The following HIP1 variants were observed in gnomAD, a reference collection of about 807,000 sequenced individuals.
HIP1 encodes the protein huntingtin interacting protein 1.
In HIP1, 65 loss-of-function variants were observed where a neutral mutation model predicts 147.6. The observed-to-expected ratio is 0.44, with a 90% confidence interval of 0.36 to 0.54. The LOEUF (loss-of-function observed/expected upper bound fraction) is 0.54. Among genes scored for constraint, HIP1 ranks in the 20% least tolerant of loss-of-function variants. HIP1 has a pLI of 0.00. For missense variants in HIP1, 1,061 were observed against 1,299.6 expected, an observed-to-expected ratio of 0.82 and a Z score of 2.82; for synonymous variants, 479 against 504.0, an observed-to-expected ratio of 0.95 and a Z score of 0.67.
chr7:75,643,231 C>G (rs1361906181), intron 1 of HIP1, among the ~76,000 whole-genome samples: 2 of 152,180 alleles, frequency 1.3e-5, no homozygotes, highest in African/African-American at 2.4e-5. Context: ...TATGAAAGGG[C>G]CTTAAGTAAC....
rs782246601 is a variant in HIP1, at chr7:75,582,163, G to A, written c.466-12C>T. On this transcript the variant is annotated splice_polypyrimidine_tract_variant and intron_variant, in intron 5 of 30. Transcript: ENST00000336926. ...GGGAACCTGGGATTCTGGAAGGGAG[G>A]CAGAGGAAGGGAGTCAGGGCAGAAG... The A allele has an allele frequency of 2.5e-6, 4 of 1,609,282 alleles. No individual in the cohort carries two copies. The highest frequency in any genetic ancestry group is 4.5e-5 in the East Asian group (2 of 44,836).
chr7:75,599,737 C>T (rs1266179963), intron 1 of HIP1, among the ~76,000 whole-genome samples: 2 of 152,136 alleles, frequency 1.3e-5, no homozygotes, highest in Non-Finnish European at 2.9e-5. Context: ...TTTTCCCACA[C>T]TCTTGGGCAT....
At chr7:75,695,574 T>TTTTG (rs138855800) in intron 1 of HIP1, among the ~76,000 whole-genome samples, 334 of 148,696 alleles carry the variant, frequency 2.2e-3, no homozygotes, top group African/African-American at 7.3e-3. Context: ...ACCAGTTTTT[T>TTTTG]TTGTTGTTGT....
intron 1 of HIP1, among the ~76,000 whole-genome samples, chr7:75,635,618 A>C (rs1441320115): frequency 6.6e-6 from 1 of 151,252 alleles, no homozygotes; most frequent in Non-Finnish European, 1.5e-5. Flanking sequence ...TAGTGTGTGG[A>C]AGATTTACTA....
rs1043291492 is a variant in HIP1, at chr7:75,668,509, G to C, written c.121-69262C>G. Among the ~76,000 whole-genome samples, 4 of 152,114 alleles carry C rather than the reference G, an allele frequency of 2.6e-5. No individual in the cohort carries two copies. The East Asian group carries it at 7.7e-4, about 29-fold the overall frequency. On this transcript the variant is annotated intron_variant, in intron 1 of 30. Transcript: ENST00000336926. The stretch of plus-strand genomic sequence containing the variant: ...CGGGCTAATTTTTGTATTGTTAGTA[G>C]AGACAGGGTTTCACCATGTTGGCCA...
intron 1 of HIP1, among the ~76,000 whole-genome samples, chr7:75,699,160 G>A (rs1800735362): frequency 6.6e-6 from 1 of 152,058 alleles, no homozygotes; most frequent in Non-Finnish European, 1.5e-5. Flanking sequence ...TGCCCAGGCT[G>A]AACCTGAACT....
chr7:75,675,078 G>A (rs1290177333), intron 1 of HIP1, among the ~76,000 whole-genome samples: 2 of 152,000 alleles, frequency 1.3e-5, no homozygotes, highest in South Asian at 2.1e-4. Context: ...ATGTTGATAT[G>A]CTTGATAGTG....
At chr7:75,629,741 C>T (rs1357122573) in intron 1 of HIP1, among the ~76,000 whole-genome samples, 1 of 152,042 alleles carries the variant, frequency 6.6e-6, no homozygotes, top group Non-Finnish European at 1.5e-5. Flanking sequence ...GGGTTTTCTC[C>T]ATGTTGGTCA....
chr7:75,691,817 A>G (rs1800463458), intron 1 of HIP1, among the ~76,000 whole-genome samples: 1 of 152,248 alleles, frequency 6.6e-6, no homozygotes, highest in African/African-American at 2.4e-5. Context: ...AAAAACTTCC[A>G]GAATAGGCAA....
At chr7:75,557,554 C>G in intron 16 of HIP1, 100 bp downstream of exon 16, 1 of 845,648 alleles carries the variant, frequency 1.2e-6, no homozygotes, top group Non-Finnish European at 2.0e-6. Context: ...TGATGCCAAC[C>G]GACCCACAGA....
intron 1 of HIP1, among the ~76,000 whole-genome samples, chr7:75,631,730 G>A (rs781871486): frequency 6.6e-6 from 1 of 152,096 alleles, no homozygotes; most frequent in African/African-American, 2.4e-5. Context: ...AATCTTCTCC[G>A]ATTATGGAAA....
At chr7:75,703,929 C>T (rs1313419147) in intron 1 of HIP1, among the ~76,000 whole-genome samples, 3 of 152,112 alleles carry the variant, frequency 2.0e-5, no homozygotes, top group Admixed American at 1.3e-4. Context: ...GCTGCCGACC[C>T]GAAGCCTTTG....
In HIP1 at chr7:75,537,038, G is replaced by A. The variant is rs1383823431; in HGVS notation, c.*1134C>T. 1 of 232,458 alleles carries A rather than the reference G, an allele frequency of 4.3e-6. No individual in the cohort carries two copies. The highest frequency in any genetic ancestry group is 8.5e-6 in the Non-Finnish European group (1 of 117,620). The allele number at this position is 232,458 out of a possible 1,614,324, so 14.4% of individuals were successfully genotyped here. A position where few individuals can be genotyped will look rare whatever the true frequency, so the allele number is the denominator to read the frequency against. On this transcript the variant is annotated 3_prime_UTR_variant, in exon 31 of 31. Transcript: ENST00000336926. ...CCAAGGCAGACGTCTGCAGAAAGGA[G>A]TTGGGAATCACTCCCACACTCCGTC...
intron 1 of HIP1, among the ~76,000 whole-genome samples, chr7:75,634,092 C>A (rs1425369588): frequency 1.3e-5 from 2 of 151,806 alleles, no homozygotes; most frequent in Admixed American, 6.6e-5. Context: ...CTCGTCTCTA[C>A]CAAAAATAAA....
chr7:75,569,402 G>C (rs1795527539), intron 8 of HIP1, among the ~76,000 whole-genome samples: 2 of 151,822 alleles, frequency 1.3e-5, no homozygotes, highest in Non-Finnish European at 2.9e-5. Context: ...CCAGGAGTTT[G>C]AGACCAGCCT....
At chr7:75,557,346 ACAAAC>A (rs1563201041) in intron 16 of HIP1, among the ~76,000 whole-genome samples, 1 of 150,764 alleles carries the variant, frequency 6.6e-6, no homozygotes. Flanking sequence ...AACAAAACAA[ACAAAC>A]AAAAAAAAAC....
chr7:75,693,029 G>T (rs1800512348), intron 1 of HIP1, among the ~76,000 whole-genome samples: 1 of 151,900 alleles, frequency 6.6e-6, no homozygotes, highest in Non-Finnish European at 1.5e-5. Context: ...GCCAGGCGTG[G>T]TGCTACGCGC....
At chr7:75,639,462 C>G (rs2117155994) in intron 1 of HIP1, among the ~76,000 whole-genome samples, 1 of 151,500 alleles carries the variant, frequency 6.6e-6, no homozygotes, top group East Asian at 2.0e-4. Context: ...GCTCGCACGG[C>G]GAGGATGTGA....
chr7:75,691,900 C>A (rs1166942159), intron 1 of HIP1, among the ~76,000 whole-genome samples: 1 of 151,852 alleles, frequency 6.6e-6, no homozygotes, highest in Non-Finnish European at 1.5e-5. Flanking sequence ...TAGGGAGTGA[C>A]TGTGTGATGG....
Sources: gnomAD v4.1 joint callset for allele counts (sites outside exome capture counted in the v4.1 genomes callset) on GRCh38, gnomAD v4.1.1 for gene constraint, MANE v1.5 for transcripts, NCBI Gene and HGNC (gene_info 2026-07-23, HGNC 2026-07-21) for gene names.